The following ZNF843 variants were observed in gnomAD, a reference collection of about 807,000 sequenced individuals.
The protein encoded by ZNF843 is zinc finger protein 843.
For missense variants in ZNF843, 482 were observed against 469.4 expected, an observed-to-expected ratio of 1.03 and a Z score of -0.25; for synonymous variants, 185 against 207.7, an observed-to-expected ratio of 0.89 and a Z score of 0.94.
chr16:31,438,357 TAATTTAC>T (rs1443460801), intron 1 of ZNF843, among the ~76,000 whole-genome samples: 1 of 152,246 alleles, frequency 6.6e-6, no homozygotes. Flanking sequence ...AGATAACTTT[TAATTTAC>T]AATTTTAACA....
Position 31,436,891 on chromosome 16 carries a change from G to C in ZNF843, c.-42C>G. 6.8e-7 allele frequency: 1 copy of C among 1,460,984 alleles called. No homozygotes were observed. Among genetic ancestry groups the C allele is most frequent in the Non-Finnish European group, 9.1e-7 (1 of 1,098,906 alleles). The allele number at this position is 1,460,984 out of a possible 1,614,324, so 90.5% of individuals were successfully genotyped here. On this transcript the variant is annotated 5_prime_UTR_variant, in exon 2 of 2. Transcript: ENST00000315678. ...ATGACCGCTCAGGGAGTAACTGTAC[G>C]GGAGGCTTTGCCGCACTTGGCGCAG...
In ZNF843 at chr16:31,437,107, C is replaced by T. The variant is rs2082185594; in HGVS notation, c.-258G>A. 1 of 456,772 alleles carries T rather than the reference C, an allele frequency of 2.2e-6. No individual in the cohort carries two copies. Among genetic ancestry groups the T allele is most frequent in the Non-Finnish European group, 4.0e-6 (1 of 248,048 alleles). The allele number at this position is 456,772 out of a possible 1,614,324, so 28.3% of individuals were successfully genotyped here. On this transcript the variant is annotated 5_prime_UTR_variant, in exon 2 of 2. Transcript: ENST00000315678. ...TGTTCCCCATCACTAAGTCCATCCT[C>T]TTGGATACGCTGGTCCTCACTGCCG...
At chr16:31,439,479 G>T (rs970135078) in intron 1 of ZNF843, among the ~76,000 whole-genome samples, 2 of 152,220 alleles carry the variant, frequency 1.3e-5, no homozygotes, top group African/African-American at 4.8e-5. Flanking sequence ...ATAGGCATAA[G>T]ATAGAAACAT....
In ZNF843 at chr16:31,436,901, G is replaced by C. The variant is rs2082184629; in HGVS notation, c.-52C>G. The C allele has an allele frequency of 6.9e-7, 1 of 1,443,268 alleles. No homozygotes were observed. Among genetic ancestry groups the C allele is most frequent in the Non-Finnish European group, 9.2e-7 (1 of 1,085,900 alleles). The allele number at this position is 1,443,268 out of a possible 1,614,324, so 89.4% of individuals were successfully genotyped here. ...AGGGAGTAACTGTACGGGAGGCTTT[G>C]CCGCACTTGGCGCAGCTGTGGGGCC... On this transcript the variant is annotated 5_prime_UTR_variant, in exon 2 of 2. Coordinates refer to ENST00000315678, the MANE Select transcript of ZNF843 (RefSeq NM_001136509.3).
chr16:31,442,475 C>T (rs908062760), intron 1 of ZNF843, among the ~76,000 whole-genome samples, 161 bp downstream of exon 1: 2 of 152,200 alleles, frequency 1.3e-5, no homozygotes, highest in Non-Finnish European at 2.9e-5. Context: ...CGTCCGCCAC[C>T]ACGCCCGGCT....
chr16:31,440,961 A>C (rs2082199276), intron 1 of ZNF843, among the ~76,000 whole-genome samples: 1 of 152,150 alleles, frequency 6.6e-6, no homozygotes, highest in Non-Finnish European at 1.5e-5. Flanking sequence ...CTGTGACTAT[A>C]ACTCCTCTCT....
In ZNF843 at chr16:31,436,672, C is replaced by T. The variant is rs2142882725; in HGVS notation, c.178G>A (p.Glu60Lys). 2.6e-6 allele frequency: 4 copies of T among 1,551,388 alleles called. No individual in the cohort carries two copies. The highest frequency in any genetic ancestry group is 2.4e-5 in the East Asian group (1 of 40,908). ...QHWRVHSDWR[E>K]TLSLSPVRQD... ...CGCACTGGGGACAGCGACAAGGTCT[C>T]TCGCCAGTCGCTGTGGACCCGCCAG... Residue 60 changes from glutamate to lysine, a missense_variant, in exon 2 of 2, where the codon GAG (glutamate) becomes AAG (lysine). Glu to Lys is a moderately conservative substitution (Grantham distance 56). Coordinates refer to ENST00000315678, the MANE Select transcript of ZNF843 (RefSeq NM_001136509.3).
chr16:31,438,412 G>T (rs924690678), intron 1 of ZNF843, among the ~76,000 whole-genome samples: 3 of 152,178 alleles, frequency 2.0e-5, no homozygotes, highest in Non-Finnish European at 4.4e-5. Flanking sequence ...AATAGGACTA[G>T]AAAGTATTCC....
At position 31,436,229 on chromosome 16, in the gene ZNF843, T is replaced by C. The variant is rs1387608253; in HGVS notation, c.621A>G (p.Gln207=). 2 of 1,540,616 alleles carry C rather than the reference T, an allele frequency of 1.3e-6. No homozygotes were observed. The highest frequency in any genetic ancestry group is 1.8e-6 in the Non-Finnish European group (2 of 1,141,284). ...RPCGSPGSFL[Q]HLPPSTLLPR... Reference sequence around the variant, plus strand: ...GCAGGAGTGTGGATGGGGGCAGATGTTGAAGGAAGGACCCGGGGCTCCCAC... The same window carrying C: ...GCAGGAGTGTGGATGGGGGCAGATGCTGAAGGAAGGACCCGGGGCTCCCAC... The change falls in exon 2 of 2, where the codon CAA becomes CAG. Residue 207 remains glutamine (Q), a synonymous_variant. Coordinates refer to ENST00000315678, the MANE Select transcript of ZNF843 (RefSeq NM_001136509.3).
At position 31,436,730 on chromosome 16, in the gene ZNF843, C is replaced by T. The variant is rs746782510; in HGVS notation, c.120G>A (p.Arg40=). The change falls in exon 2 of 2, where the codon AGG becomes AGA. Residue 40 remains arginine (R), a synonymous_variant. Coordinates refer to ENST00000315678, the MANE Select transcript of ZNF843 (RefSeq NM_001136509.3). ...RQPCKCKACG[R]GFTQSASLLQ... is the part of the protein sequence containing the mutation. ...GGAGGGATGCGCTCTGAGTAAAACC[C>T]CTCCCGCAGGCCTTGCACTTGCAGG... 6.4e-7 allele frequency: 1 copy of T among 1,551,616 alleles called. No individual in the cohort carries two copies. Among genetic ancestry groups the T allele is most frequent in the Non-Finnish European group, 8.7e-7 (1 of 1,147,030 alleles).
At chr16:31,440,518 G>C (rs1229096461) in intron 1 of ZNF843, among the ~76,000 whole-genome samples, 1 of 152,076 alleles carries the variant, frequency 6.6e-6, no homozygotes, top group African/African-American at 2.4e-5. Context: ...TAATGGCTTT[G>C]TTTGAAATAC....
Position 31,435,597 on chromosome 16 carries a change from C to T in ZNF843, c.*206G>A. The T allele has an allele frequency of 2.1e-6, 1 of 471,370 alleles. No individual in the cohort carries two copies. 29.2% of individuals were successfully genotyped at this position (471,370 alleles called of 1,614,324 possible). A position where few individuals can be genotyped will look rare whatever the true frequency, so the allele number is the denominator to read the frequency against. Reference sequence around the variant, plus strand: ...GAGTCACCGCCCGCAGCCGCACCTGCCTAAATCCCTTAATGTATAAGGGAA... The same window carrying T: ...GAGTCACCGCCCGCAGCCGCACCTGTCTAAATCCCTTAATGTATAAGGGAA... On this transcript the variant is annotated 3_prime_UTR_variant, in exon 2 of 2. Coordinates refer to ENST00000315678, the MANE Select transcript of ZNF843 (RefSeq NM_001136509.3).
chr16:31,437,467 C>A (rs1359458198), intron 1 of ZNF843, among the ~76,000 whole-genome samples: 1 of 144,540 alleles, frequency 6.9e-6, no homozygotes, highest in Non-Finnish European at 1.5e-5. Flanking sequence ...CTAGGCCCAG[C>A]ATTTTTTTTT....
rs191456649 is a variant in ZNF843, at chr16:31,442,127, C to A, written c.-336+509G>T. Among the ~76,000 whole-genome samples, 29 of 152,304 alleles carry A rather than the reference C, an allele frequency of 1.9e-4. 1 individual carries two copies. In the East Asian group the frequency reaches 5.6e-3, roughly 29 times the overall value. ...AGCAGGAGAATGGAGGGTGGACGGCCGGCCGCAAAGGCGGTGGAGGTGTTG... is the reference window on the plus strand; with the variant it reads ...AGCAGGAGAATGGAGGGTGGACGGCAGGCCGCAAAGGCGGTGGAGGTGTTG... On this transcript the variant is annotated intron_variant, in intron 1 of 1. Transcript: ENST00000315678.
At position 31,436,861 on chromosome 16, in the gene ZNF843, C is replaced by T. The variant is rs1292302036; in HGVS notation, c.-12G>A. The T allele has an allele frequency of 1.6e-5, 24 of 1,514,048 alleles. No homozygotes were observed. The highest frequency in any genetic ancestry group is 2.1e-5 in the Non-Finnish European group (24 of 1,127,124). 93.8% of individuals were successfully genotyped at this position (1,514,048 alleles called of 1,614,324 possible). A position where few individuals can be genotyped will look rare whatever the true frequency, so the allele number is the denominator to read the frequency against. On this transcript the variant is annotated 5_prime_UTR_variant, in exon 2 of 2. Coordinates refer to ENST00000315678, the MANE Select transcript of ZNF843 (RefSeq NM_001136509.3). ...GGGAGGCTTCTCATGAGCAGGGCTT[C>T]GGAGATGACCGCTCAGGGAGTAACT... is the stretch of plus-strand genomic sequence containing the variant.
rs368894555 is a variant in ZNF843, at chr16:31,435,583, C to T, written c.*220G>A. ...GGGATTACAGGTGTGAGTCACCGCC[C>T]GCAGCCGCACCTGCCTAAATCCCTT... On this transcript the variant is annotated 3_prime_UTR_variant, in exon 2 of 2. Coordinates refer to ENST00000315678, the MANE Select transcript of ZNF843 (RefSeq NM_001136509.3). 1.8e-4 allele frequency: 77 copies of T among 426,026 alleles called. No individual in the cohort carries two copies. The Middle Eastern group carries it at 3.1e-3, about 17-fold the overall frequency. The allele number at this position is 426,026 out of a possible 1,614,324, so 26.4% of individuals were successfully genotyped here. A position where few individuals can be genotyped will look rare whatever the true frequency, so the allele number is the denominator to read the frequency against.
At chr16:31,438,791 C>T (rs1233318355) in intron 1 of ZNF843, among the ~76,000 whole-genome samples, 1 of 152,056 alleles carries the variant, frequency 6.6e-6, no homozygotes, top group Admixed American at 6.6e-5. Context: ...TCTTGGACAC[C>T]TAAGCTCAAA....
At chr16:31,442,132 G>A (rs2082203188) in intron 1 of ZNF843, among the ~76,000 whole-genome samples, 1 of 152,180 alleles carries the variant, frequency 6.6e-6, no homozygotes, top group African/African-American at 2.4e-5. Flanking sequence ...ACGGCCGGCC[G>A]CAAAGGCGGT....
intron 1 of ZNF843, among the ~76,000 whole-genome samples, chr16:31,442,100 C>A (rs1228097902): frequency 6.6e-6 from 1 of 152,214 alleles, no homozygotes; most frequent in Non-Finnish European, 1.5e-5. Context: ...GGAAACGGCT[C>A]CAGCAGGAGA....
Sources: gnomAD v4.1 joint callset for allele counts (sites outside exome capture counted in the v4.1 genomes callset) on GRCh38, gnomAD v4.1.1 for gene constraint, MANE v1.5 for transcripts, NCBI Gene and HGNC (gene_info 2026-07-23, HGNC 2026-07-21) for gene names.